GRIK3: variants seen among roughly 807,000 people sequenced by gnomAD.
The protein encoded by GRIK3 is glutamate receptor ionotropic, kainate 3.
GRIK3 carries 29 observed loss-of-function variants against 102.5 expected under a neutral mutation model. That is an observed-to-expected ratio of 0.28 (90% CI 0.21 to 0.39). The LOEUF (loss-of-function observed/expected upper bound fraction) is 0.39, where lower values mean the gene tolerates loss of function less well. Among genes scored for constraint, GRIK3 ranks in the 10% least tolerant of loss-of-function variants. GRIK3 has a pLI of 1.00. For synonymous variants in GRIK3, 511 were observed against 504.9 expected, an observed-to-expected ratio of 1.01 and a Z score of -0.16; for missense variants, 908 against 1,252.4, an observed-to-expected ratio of 0.73 and a Z score of 4.15.
At position 36,806,598 on chromosome 1, in the gene GRIK3, T is replaced by C. The variant is rs1642504917; in HGVS notation, c.2092-272A>G. Among the ~76,000 whole-genome samples the C allele has an allele frequency of 6.6e-6, 1 of 152,192 alleles. No homozygotes were observed. Among genetic ancestry groups the C allele is most frequent in the South Asian group, 2.1e-4 (1 of 4,834 alleles). On this transcript the variant is annotated intron_variant, in intron 13 of 15. Transcript: ENST00000373091. This position sits in a 1 kb window ranked among gnomAD's most constrained non-coding sequence, Gnocchi z 4.0. ...GCACAAGTGGTCTTCAAGCTGACTT[T>C]TTAAACATGGATTTTCTTTCTCTAA... is the stretch of plus-strand genomic sequence containing the variant.
chr1:36,946,088 TA>T (rs1641781349), intron 1 of GRIK3, among the ~76,000 whole-genome samples: 1 of 152,152 alleles, frequency 6.6e-6, no homozygotes, highest in Admixed American at 6.5e-5. Flanking sequence ...GCAGCCAGGA[TA>T]GGGGCCAGGC....
intron 1 of GRIK3, among the ~76,000 whole-genome samples, chr1:37,008,972 T>C (rs939560394): frequency 6.6e-6 from 1 of 152,146 alleles, no homozygotes; most frequent in Non-Finnish European, 1.5e-5. Flanking sequence ...GAAGCCAGAC[T>C]GTCCGCAGTC....
intron 1 of GRIK3, among the ~76,000 whole-genome samples, chr1:37,032,885 T>C (rs1328847198): frequency 6.6e-6 from 1 of 152,156 alleles, no homozygotes; most frequent in Admixed American, 6.5e-5. Context: ...CCGGCACCTC[T>C]TTCACGCCGC....
chr1:36,859,288 G>T (rs770943391), intron 6 of GRIK3, 37 bp from the exon 7 acceptor site: 4 of 1,578,188 alleles, frequency 2.5e-6, no homozygotes, highest in Non-Finnish European at 3.5e-6. Context: ...GGCTCCCAAG[G>T]CCCTCCAGTC....
intron 10 of GRIK3, among the ~76,000 whole-genome samples, chr1:36,834,889 C>T (rs556667977): frequency 6.6e-6 from 1 of 152,352 alleles, no homozygotes; most frequent in East Asian, 1.9e-4. Context: ...CTCTGCCATC[C>T]ACCCAGACAT....
chr1:36,837,880 T>A (rs1640399647), intron 10 of GRIK3, among the ~76,000 whole-genome samples: 1 of 152,172 alleles, frequency 6.6e-6, no homozygotes, highest in Admixed American at 6.5e-5. Flanking sequence ...AGTAAGAAGG[T>A]GGCACCTTGG....
chr1:36,918,132 T>C (rs1326384148), intron 1 of GRIK3, among the ~76,000 whole-genome samples: 1 of 152,260 alleles, frequency 6.6e-6, no homozygotes, highest in Admixed American at 6.5e-5. Flanking sequence ...GGACTTTCTG[T>C]GTAACCTTCT....
intron 1 of GRIK3, among the ~76,000 whole-genome samples, chr1:36,970,380 C>T (rs187575367): frequency 4.2e-4 from 64 of 152,224 alleles, no homozygotes; most frequent in African/African-American, 1.1e-3. Flanking sequence ...ATCGGAGGTC[C>T]GCATATACTG....
At chr1:36,830,543 C>T (rs562208719) in intron 10 of GRIK3, among the ~76,000 whole-genome samples, 2 of 152,264 alleles carry the variant, frequency 1.3e-5, no homozygotes, top group South Asian at 4.2e-4. Flanking sequence ...GGCGCAGTGG[C>T]TCATGCCTGT....
intron 13 of GRIK3, among the ~76,000 whole-genome samples, chr1:36,807,331 G>C (rs1333882143): frequency 6.6e-6 from 1 of 152,126 alleles, no homozygotes; most frequent in African/African-American, 2.4e-5. Context: ...AGATTTCTTG[G>C]GAACTTAGTG....
intron 1 of GRIK3, among the ~76,000 whole-genome samples, chr1:36,971,003 C>T (rs1390142122): frequency 6.6e-6 from 1 of 152,202 alleles, no homozygotes; most frequent in African/African-American, 2.4e-5. Context: ...AGCTGTGAGA[C>T]ACCACCAGCC....
At chr1:36,914,926 G>T (rs1391637279) in intron 1 of GRIK3, among the ~76,000 whole-genome samples, 1 of 152,220 alleles carries the variant, frequency 6.6e-6, no homozygotes, top group Admixed American at 6.5e-5. Context: ...CAATTCATCA[G>T]CCTGGTGCTT....
chr1:36,920,676 G>C (rs768557797), intron 1 of GRIK3, among the ~76,000 whole-genome samples: 1 of 152,208 alleles, frequency 6.6e-6, no homozygotes, highest in Non-Finnish European at 1.5e-5. Context: ...TCTCTGAGGA[G>C]GATGAGCCCA....
Position 36,796,519 on chromosome 1 carries a change from G to C in GRIK3, c.*5332C>G, listed in dbSNP as rs1642366896. 6.6e-6 allele frequency: 1 copy of C among 152,266 alleles called. No homozygotes were observed. The highest frequency in any genetic ancestry group is 2.1e-4 in the South Asian group (1 of 4,828). 9.4% of individuals were successfully genotyped at this position (152,266 alleles called of 1,614,324 possible). A position where few individuals can be genotyped will look rare whatever the true frequency, so the allele number is the denominator to read the frequency against. On this transcript the variant is annotated 3_prime_UTR_variant, in exon 16 of 16. Coordinates refer to ENST00000373091, the MANE Select transcript of GRIK3 (RefSeq NM_000831.4). The stretch of plus-strand genomic sequence containing the variant: ...ATCTATGGCTGCTTCTTCATGTCTG[G>C]AGGCCTCAGAGTTTCAATCCATAAA...
At chr1:36,882,701 C>G (rs1479213593) in intron 2 of GRIK3, among the ~76,000 whole-genome samples, 1 of 152,130 alleles carries the variant, frequency 6.6e-6, no homozygotes, top group Admixed American at 6.5e-5. Context: ...AGGGGCACCT[C>G]CCTCTTTAAG....
intron 10 of GRIK3, among the ~76,000 whole-genome samples, chr1:36,829,930 T>C (rs550908714): frequency 6.6e-6 from 1 of 152,188 alleles, no homozygotes; most frequent in Admixed American, 6.5e-5. Flanking sequence ...TCTAACAACT[T>C]GTCACTGATC....
intron 15 of GRIK3, 101 bp downstream of exon 15, chr1:36,804,886 G>C: frequency 7.0e-7 from 1 of 1,425,020 alleles, no homozygotes; most frequent in South Asian, 1.3e-5. Flanking sequence ...GCTGTTGTGA[G>C]GCTGAGATGA....
rs200851293 is a variant in GRIK3, at chr1:37,001,475, A to C, written c.115+32519T>G. On this transcript the variant is annotated intron_variant, in intron 1 of 15. Coordinates refer to ENST00000373091, the MANE Select transcript of GRIK3 (RefSeq NM_000831.4). ...ACCAGTCCTGGCCTTCCCCAGGTGCACGATGGAATTTCTCCCTGCTCATGG... is the reference window on the plus strand; with the variant it reads ...ACCAGTCCTGGCCTTCCCCAGGTGCCCGATGGAATTTCTCCCTGCTCATGG... Among the ~76,000 whole-genome samples the C allele has an allele frequency of 2.0e-5, 3 of 152,164 alleles. No homozygotes were observed. The East Asian group carries it at 5.8e-4, about 29-fold the overall frequency.
At chr1:36,934,169 A>G (rs946579084) in intron 1 of GRIK3, among the ~76,000 whole-genome samples, 1 of 152,164 alleles carries the variant, frequency 6.6e-6, no homozygotes, top group Middle Eastern at 3.2e-3. Flanking sequence ...TGGTAAGGAC[A>G]CAAGGCTCTT....
Sources: allele counts gnomAD v4.1 joint callset (sites outside exome capture counted in the v4.1 genomes callset), GRCh38; gene constraint gnomAD v4.1.1; non-coding constraint Gnocchi (gnomAD v3.1); transcripts MANE v1.5; gene names NCBI Gene and HGNC (gene_info 2026-07-23, HGNC 2026-07-21).